The following LRRTM4 variants were observed in gnomAD, a reference collection of about 807,000 sequenced individuals.
LRRTM4 encodes the protein leucine-rich repeat transmembrane neuronal protein 4.
Under a neutral mutation model 47.6 loss-of-function variants are expected in LRRTM4, and 25 were observed. The observed-to-expected ratio is 0.53, with a 90% CI of 0.38 to 0.73. LRRTM4 has a LOEUF of 0.73. Ranked by LOEUF, LRRTM4 falls within the 30% of genes least tolerant of loss-of-function variation. The pLI is 0.00. For synonymous variants in LRRTM4, 311 were observed against 269.5 expected, an observed-to-expected ratio of 1.15 and a Z score of -1.51; for missense variants, 638 against 713.4, an observed-to-expected ratio of 0.89 and a Z score of 1.20.
At chr2:77,411,015 A>G (rs1674399642) in intron 3 of LRRTM4, among the ~76,000 whole-genome samples, 1 of 152,214 alleles carries the variant, frequency 6.6e-6, no homozygotes, top group Admixed American at 6.5e-5. Context: ...CAAGATTATA[A>G]TCTACCTGGA....
chr2:77,470,195 G>A lies in LRRTM4; in HGVS notation c.1551+48123C>T, dbSNP rs570833259. Among the ~76,000 whole-genome samples, 32 of 152,138 alleles carry A rather than the reference G, an allele frequency of 2.1e-4. No homozygotes were observed. In the South Asian group the frequency reaches 6.7e-3, roughly 32 times the overall value. Reference sequence around the variant, plus strand: ...GCAGATAAGCTGTGCCTATCATTCAGGATTACATATCATATGACAAGGTAG... The same window carrying A: ...GCAGATAAGCTGTGCCTATCATTCAAGATTACATATCATATGACAAGGTAG... On this transcript the variant is annotated intron_variant, in intron 3 of 3. Transcript: ENST00000409884.
At chr2:76,812,141 T>C (rs1670752916) in intron 3 of LRRTM4, among the ~76,000 whole-genome samples, 1 of 152,130 alleles carries the variant, frequency 6.6e-6, no homozygotes, top group South Asian at 2.1e-4. Flanking sequence ...AACTGAATAA[T>C]AAACACAGCT....
chr2:77,433,555 G>A (rs1415843193), intron 3 of LRRTM4, among the ~76,000 whole-genome samples: 1 of 152,158 alleles, frequency 6.6e-6, no homozygotes, highest in Non-Finnish European at 1.5e-5. Context: ...TTATGAAGTA[G>A]AGTGTGTAGG....
chr2:77,100,426 A>T (rs938455192), intron 3 of LRRTM4, among the ~76,000 whole-genome samples: 1 of 152,178 alleles, frequency 6.6e-6, no homozygotes, highest in Non-Finnish European at 1.5e-5. Flanking sequence ...CTCCGAGTTG[A>T]ATCATACCTT....
Position 77,234,859 on chromosome 2 carries a change from A to C in LRRTM4, c.1551+283459T>G, listed in dbSNP as rs1301966863. On this transcript the variant is annotated intron_variant, in intron 3 of 3. Transcript: ENST00000409884. ...TTATGAATTTTCTCATCACTCAGAT[A>C]ATGAACCTGGTTTATCAACACTTAC... 2.6e-5 allele frequency among the ~76,000 whole-genome samples: 4 copies of C among 152,126 alleles called. No homozygotes were observed. The South Asian group carries it at 8.3e-4, about 32-fold the overall frequency.
At chr2:77,169,029 C>A (rs888365219) in intron 3 of LRRTM4, among the ~76,000 whole-genome samples, 1 of 152,006 alleles carries the variant, frequency 6.6e-6, no homozygotes, top group African/African-American at 2.4e-5. Flanking sequence ...ATTCAATATC[C>A]TTTTATGATA....
chr2:76,801,972 A>T (rs765494970), intron 3 of LRRTM4, among the ~76,000 whole-genome samples: 1 of 152,140 alleles, frequency 6.6e-6, no homozygotes, highest in African/African-American at 2.4e-5. Flanking sequence ...GAATGTACCT[A>T]AACAGAATAA....
In LRRTM4 at chr2:77,318,536, A is replaced by G. The variant is rs117617794; in HGVS notation, c.1551+199782T>C. The stretch of plus-strand genomic sequence containing the variant: ...TGAAAATTAAAATGACACCTGGAAA[A>G]TATAACTACCCTTTTCAAGGCACAA... On this transcript the variant is annotated intron_variant, in intron 3 of 3. Transcript: ENST00000409884. Among the ~76,000 whole-genome samples the G allele has an allele frequency of 7.2e-4, 110 of 152,282 alleles. 1 individual carries two copies. The East Asian group carries it at 0.02, about 27-fold the overall frequency.
chr2:77,123,887 G>A (rs10186579), intron 3 of LRRTM4, among the ~76,000 whole-genome samples: 36,701 of 151,868 alleles, frequency 0.24, 4,553 homozygotes, highest in Middle Eastern at 0.31. Flanking sequence ...TTCCTGGGAC[G>A]TTGGGAGGAT....
chr2:77,322,987 A>T (rs1670593067), intron 3 of LRRTM4, among the ~76,000 whole-genome samples: 1 of 151,976 alleles, frequency 6.6e-6, no homozygotes, highest in Non-Finnish European at 1.5e-5. Context: ...TTGATCTGTT[A>T]TCCATCCAAC....
At chr2:77,203,346 G>A (rs1401269701) in intron 3 of LRRTM4, among the ~76,000 whole-genome samples, 2 of 151,950 alleles carry the variant, frequency 1.3e-5, no homozygotes, top group Non-Finnish European at 2.9e-5. Context: ...GATGGACAGG[G>A]GATGGTAATT....
At chr2:77,260,626 A>C (rs1330828394) in intron 3 of LRRTM4, among the ~76,000 whole-genome samples, 1 of 152,074 alleles carries the variant, frequency 6.6e-6, no homozygotes, top group Non-Finnish European at 1.5e-5. Flanking sequence ...ATGTAGACTG[A>C]GTTTGCACCA....
chr2:77,054,234 G>A (rs888059192), intron 3 of LRRTM4, among the ~76,000 whole-genome samples: 7 of 150,912 alleles, frequency 4.6e-5, no homozygotes, highest in Non-Finnish European at 1.0e-4. Flanking sequence ...AGCCAAATGT[G>A]CAAATGTTTA....
At chr2:77,149,966 G>A (rs775660702) in intron 3 of LRRTM4, among the ~76,000 whole-genome samples, 1 of 152,102 alleles carries the variant, frequency 6.6e-6, no homozygotes, top group Non-Finnish European at 1.5e-5. Context: ...CTCTTGGGAT[G>A]TTTGTTTCTC....
intron 3 of LRRTM4, among the ~76,000 whole-genome samples, chr2:77,308,666 C>T (rs796537825): frequency 1.3e-5 from 2 of 152,232 alleles, no homozygotes; most frequent in African/African-American, 4.8e-5. Flanking sequence ...CTATCATTCC[C>T]ACTTCCTGAC....
At chr2:77,517,334 G>A (rs1679248826) in intron 3 of LRRTM4, 2 of 983,458 alleles carry the variant, frequency 2.0e-6, no homozygotes, top group Non-Finnish European at 2.4e-6. Flanking sequence ...AGGATACCCA[G>A]AACTCAAACC....
intron 3 of LRRTM4, among the ~76,000 whole-genome samples, chr2:76,769,534 AC>A (rs1041984175): frequency 2.0e-5 from 3 of 152,182 alleles, no homozygotes; most frequent in East Asian, 3.9e-4. Context: ...TGAAAAAAAA[AC>A]AAAAATAATA....
At chr2:76,751,796 AAG>A (rs1672858708) in intron 3 of LRRTM4, among the ~76,000 whole-genome samples, 1 of 152,130 alleles carries the variant, frequency 6.6e-6, no homozygotes, top group Admixed American at 6.5e-5. Flanking sequence ...GAAATGTAAG[AAG>A]ACACTTTGTG....
chr2:77,321,577 G>A (rs1677792422), intron 3 of LRRTM4, among the ~76,000 whole-genome samples: 3 of 104,720 alleles, frequency 2.9e-5, no homozygotes, highest in Admixed American at 8.1e-5. Context: ...TGAAAGAAAA[G>A]AAAAGAAAAG....
Sources: gnomAD v4.1 joint callset for allele counts (sites outside exome capture counted in the v4.1 genomes callset) on GRCh38, gnomAD v4.1.1 for gene constraint, MANE v1.5 for transcripts, NCBI Gene and HGNC (gene_info 2026-07-23, HGNC 2026-07-21) for gene names.